TM4SF4: variants seen among roughly 807,000 people sequenced by gnomAD.
TM4SF4 encodes the protein transmembrane 4 L six family member 4, also known as transmembrane 4 L6 family member 4.
Under a neutral mutation model 24.1 loss-of-function variants are expected in TM4SF4, and 24 were observed. The ratio of observed to expected loss-of-function variants is 1.00; its 90% CI spans 0.72 to 1.40. TM4SF4 has a LOEUF of 1.40. Among genes scored for constraint, TM4SF4 ranks in the 40% most tolerant of loss-of-function variants. TM4SF4 has a pLI of 0.00. For missense variants in TM4SF4, 254 were observed against 254.2 expected, an observed-to-expected ratio of 1.00 and a Z score of 0.01; for synonymous variants, 113 against 97.0, an observed-to-expected ratio of 1.17 and a Z score of -0.97.
chr3:149,499,015 G>C (rs1734367437), intron 4 of TM4SF4, 104 bp downstream of exon 4: 1 of 1,234,336 alleles, frequency 8.1e-7, no homozygotes, highest in Admixed American at 2.2e-5. Context: ...AGGAATGAGG[G>C]GGTAAGTGTG....
intron 2 of TM4SF4, among the ~76,000 whole-genome samples, chr3:149,487,352 T>C (rs991798878): frequency 6.6e-6 from 1 of 152,100 alleles, no homozygotes; most frequent in African/African-American, 2.4e-5. Flanking sequence ...TTTAACAAGG[T>C]TAAAAGGCCA....
In TM4SF4 at chr3:149,476,796, TTTTTTG is replaced by T. The variant is rs1315597428; in HGVS notation, c.264+902_264+907del. On this transcript the variant is annotated intron_variant, in intron 2 of 4. Coordinates refer to ENST00000305354, the MANE Select transcript of TM4SF4 (RefSeq NM_004617.4). ...AGTCTTTCTTTTTTCTTTTCTGTTT[TTTTTTG>T]TTTTTGTTTTTGTTTTTTTTTTTTT... Among the ~76,000 whole-genome samples the T allele has an allele frequency of 6.2e-4, 44 of 71,052 alleles. No homozygotes were observed. The East Asian group carries it at 9.3e-3, about 15-fold the overall frequency. The allele number at this position is 71,052 out of a possible 152,430, so 46.6% of individuals were successfully genotyped here.
intron 2 of TM4SF4, among the ~76,000 whole-genome samples, chr3:149,478,657 C>T (rs556763391): frequency 6.6e-6 from 1 of 152,342 alleles, no homozygotes; most frequent in African/African-American, 2.4e-5. Context: ...ACCAGCTGTG[C>T]CAGATTGTAA....
At chr3:149,489,284 T>G (rs1734170851) in intron 3 of TM4SF4, among the ~76,000 whole-genome samples, 1 of 151,942 alleles carries the variant, frequency 6.6e-6, no homozygotes, top group African/African-American at 2.4e-5. Flanking sequence ...CACCTAGGGG[T>G]GTGTGTGTGA....
intron 4 of TM4SF4, among the ~76,000 whole-genome samples, chr3:149,501,249 C>T (rs1560034650): frequency 6.6e-6 from 1 of 152,140 alleles, no homozygotes; most frequent in Non-Finnish European, 1.5e-5. Context: ...TAGATGGACT[C>T]CATGGTTATC....
At chr3:149,489,209 C>A (rs1358003574) in intron 3 of TM4SF4, among the ~76,000 whole-genome samples, 1 of 152,192 alleles carries the variant, frequency 6.6e-6, no homozygotes, top group Non-Finnish European at 1.5e-5. Context: ...AAACTCAGAT[C>A]CCAGCAGGCT....
Position 149,490,255 on chromosome 3 carries a change from T to G in TM4SF4, c.401+2500T>G, listed in dbSNP as rs145525584. On this transcript the variant is annotated intron_variant, in intron 3 of 4. Transcript: ENST00000305354. ...GTCTCCTCAAATCCTGTTTCCTCCC[T>G]TCTGAGACAAGAGCTCACATTCCTT... Among the ~76,000 whole-genome samples the G allele has an allele frequency of 9.8e-5, 15 of 152,348 alleles. 2 individuals carry two copies. In the East Asian group the frequency reaches 2.9e-3, roughly 29 times the overall value.
At chr3:149,475,687 C>T (rs1733915457) in intron 1 of TM4SF4, 136 bp from the exon 2 acceptor site, 1 of 702,596 alleles carries the variant, frequency 1.4e-6, no homozygotes, top group African/African-American at 1.8e-5. Context: ...ACCCCTCCAG[C>T]CATGCTCTGT....
rs566454567 is a variant in TM4SF4 at position 149,485,023 on chromosome 3, C to A, written c.265-2596C>A. Among the ~76,000 whole-genome samples, 17 of 152,256 alleles carry A rather than the reference C, an allele frequency of 1.1e-4. 1 individual carries two copies. The South Asian group carries it at 3.3e-3, about 30-fold the overall frequency. ...TGATTGAGTTGTTTCTGACTGATGTCTTCTCTAGGCAGTACTTGGTTGTTC... is the reference window on the plus strand; with the variant it reads ...TGATTGAGTTGTTTCTGACTGATGTATTCTCTAGGCAGTACTTGGTTGTTC... On this transcript the variant is annotated intron_variant, in intron 2 of 4. Coordinates refer to ENST00000305354, the MANE Select transcript of TM4SF4 (RefSeq NM_004617.4).
intron 4 of TM4SF4, among the ~76,000 whole-genome samples, chr3:149,500,889 G>A (rs142488335): frequency 7.2e-5 from 11 of 152,082 alleles, no homozygotes; most frequent in African/African-American, 2.7e-4. Flanking sequence ...ACCAGATGTG[G>A]TGGCATGCAC....
At position 149,502,726 on chromosome 3, in the gene TM4SF4, A is replaced by G; in HGVS notation, c.*33A>G. ...AGATGAGCTGCTCAGACTCTACAGC[A>G]TGACGACTACAATTTCTTTTCATAA... On this transcript the variant is annotated 3_prime_UTR_variant, in exon 5 of 5. Coordinates refer to ENST00000305354, the MANE Select transcript of TM4SF4 (RefSeq NM_004617.4). The G allele has an allele frequency of 6.5e-7, 1 of 1,529,852 alleles. No individual in the cohort carries two copies. 94.8% of individuals were successfully genotyped at this position (1,529,852 alleles called of 1,614,324 possible).
intron 3 of TM4SF4, among the ~76,000 whole-genome samples, chr3:149,496,597 C>T (rs1450398342): frequency 6.6e-6 from 1 of 152,152 alleles, no homozygotes; most frequent in South Asian, 2.1e-4. Flanking sequence ...GGAGAAACCC[C>T]GCCTCTACCA....
At chr3:149,492,186 G>A (rs1734221660) in intron 3 of TM4SF4, among the ~76,000 whole-genome samples, 1 of 152,174 alleles carries the variant, frequency 6.6e-6, no homozygotes, top group Admixed American at 6.5e-5. Context: ...GAATGTTTGA[G>A]ATGGAGTCAT....
chr3:149,480,619 G>A (rs1248070834), intron 2 of TM4SF4, among the ~76,000 whole-genome samples: 1 of 152,054 alleles, frequency 6.6e-6, no homozygotes, highest in African/African-American at 2.4e-5. Flanking sequence ...CTGAGTGAGC[G>A]TTTCTGGGGA....
intron 2 of TM4SF4, among the ~76,000 whole-genome samples, 156 bp downstream of exon 2, chr3:149,476,068 AAAT>A (rs988483836): frequency 1.3e-5 from 2 of 152,238 alleles, no homozygotes; most frequent in South Asian, 4.1e-4. Context: ...TGCCAGTGTG[AAAT>A]AATAATAATT....
rs190302199 is a variant in TM4SF4 at position 149,490,599 on chromosome 3, C to T, written c.401+2844C>T. 5.1e-4 allele frequency among the ~76,000 whole-genome samples: 77 copies of T among 152,282 alleles called. 1 individual carries two copies. Among genetic ancestry groups the T allele is most frequent in the African/African-American group, 1.8e-3 (73 of 41,552 alleles). ...TTTTCTAGAACACAGTTTATATTGA[C>T]TCATATTGTCTGCTTTTTGCCTAGA... On this transcript the variant is annotated intron_variant, in intron 3 of 4. Transcript: ENST00000305354.
chr3:149,476,906 T>A (rs1172900331), intron 2 of TM4SF4, among the ~76,000 whole-genome samples: 3 of 149,366 alleles, frequency 2.0e-5, no homozygotes. Flanking sequence ...GCTCAAGTGA[T>A]TCTCCCACCT....
chr3:149,500,256 A>G (rs1734394649), intron 4 of TM4SF4, among the ~76,000 whole-genome samples: 6 of 152,168 alleles, frequency 3.9e-5, no homozygotes. Flanking sequence ...GAAAAATAAA[A>G]CAAAAAACTA....
At chr3:149,478,444 C>T (rs62272019) in intron 2 of TM4SF4, among the ~76,000 whole-genome samples, 9,138 of 151,776 alleles carry the variant, frequency 0.06, 289 homozygotes, top group Middle Eastern at 0.095. Context: ...TACACCTGGC[C>T]GGAAAAAAAA....
Sources: allele counts gnomAD v4.1 joint callset (sites outside exome capture counted in the v4.1 genomes callset), GRCh38; gene constraint gnomAD v4.1.1; transcripts MANE v1.5; gene names NCBI Gene and HGNC (gene_info 2026-07-23, HGNC 2026-07-21).